Variants in IL7 observed in about 807,000 individuals in gnomAD.
IL7 encodes the protein interleukin-7.
A neutral mutation model predicts 21.6 loss-of-function variants in IL7; 3 were observed. That is an observed-to-expected ratio of 0.14 (90% confidence interval 0.06 to 0.36). The LOEUF (loss-of-function observed/expected upper bound fraction) is 0.36. Ranked by LOEUF, IL7 falls within the 10% of genes least tolerant of loss-of-function variation. IL7 has a pLI of 1.00. For synonymous variants in IL7, 62 were observed against 68.1 expected (o/e 0.91, Z 0.44); for missense variants, 175 against 200.2 (o/e 0.87, Z 0.76).
chr8:78,720,687 A>G (rs1400525225), intron 5 of IL7, among the ~76,000 whole-genome samples: 1 of 151,900 alleles, frequency 6.6e-6, no homozygotes, highest in East Asian at 1.9e-4. Flanking sequence ...GCCCAGCTCA[A>G]CTGGGGCACC....
chr8:78,755,648 T>TAA (rs989492800), intron 2 of IL7, among the ~76,000 whole-genome samples: 1 of 151,966 alleles, frequency 6.6e-6, no homozygotes, highest in African/African-American at 2.4e-5. Flanking sequence ...CATTATGATA[T>TAA]AAAAAAATGC....
intron 3 of IL7, among the ~76,000 whole-genome samples, chr8:78,727,091 G>T (rs915798698): frequency 2.6e-4 from 39 of 152,086 alleles, no homozygotes; most frequent in African/African-American, 8.9e-4. Context: ...GGGCCTCTAT[G>T]CCTCTCTTAG....
At chr8:78,785,598 A>T (rs1466576635) in intron 2 of IL7, among the ~76,000 whole-genome samples, 1 of 152,158 alleles carries the variant, frequency 6.6e-6, no homozygotes, top group East Asian at 1.9e-4. Flanking sequence ...GTACTTTAAA[A>T]CTATGGCGTG....
At chr8:78,796,838 G>A (rs1352685812) in intron 2 of IL7, among the ~76,000 whole-genome samples, 2 of 151,972 alleles carry the variant, frequency 1.3e-5, no homozygotes, top group African/African-American at 4.8e-5. Flanking sequence ...TTGGAAGAAA[G>A]TTTGGCAGTT....
intron 2 of IL7, among the ~76,000 whole-genome samples, chr8:78,795,588 C>T (rs1382425215): frequency 6.6e-6 from 1 of 151,992 alleles, no homozygotes; most frequent in Non-Finnish European, 1.5e-5. Context: ...TTGGATGAAA[C>T]TCTCCTTTTA....
chr8:78,782,623 T>G (rs568636894), intron 2 of IL7, among the ~76,000 whole-genome samples: 94 of 152,180 alleles, frequency 6.2e-4, no homozygotes, highest in South Asian at 1.2e-3. Context: ...GGTTATTGAC[T>G]TCATGTTAGT....
chr8:78,748,652 GT>G (rs1231475921), intron 2 of IL7, among the ~76,000 whole-genome samples: 2 of 152,132 alleles, frequency 1.3e-5, no homozygotes, highest in African/African-American at 4.8e-5. Context: ...TATGTGTTAG[GT>G]TTTAAACAGA....
chr8:78,715,097 G>T, downstream of IL7: 3 of 761,150 alleles, frequency 3.9e-6, no homozygotes, highest in Non-Finnish European at 4.0e-6. Flanking sequence ...ATAATTATTG[G>T]GACTTTAATC....
chr8:78,796,984 T>C (rs932977759), intron 2 of IL7, among the ~76,000 whole-genome samples: 11 of 152,012 alleles, frequency 7.2e-5, no homozygotes, highest in African/African-American at 2.4e-4. Flanking sequence ...AATTTCCAAA[T>C]ATTGGAAGCA....
intron 4 of IL7, chr8:78,678,713 T>C: frequency 2.0e-6 from 3 of 1,465,686 alleles, no homozygotes; most frequent in African/African-American, 1.4e-5. Flanking sequence ...GTATGAACTT[T>C]GGTGTTATGT....
chr8:78,683,976 A>C (rs1809871786), intron 4 of IL7, among the ~76,000 whole-genome samples: 2 of 152,150 alleles, frequency 1.3e-5, no homozygotes, highest in Non-Finnish European at 2.9e-5. Flanking sequence ...TCCATCTGAG[A>C]CCACCTTAGC....
At chr8:78,722,858 G>C (rs949065160) in intron 3 of IL7, among the ~76,000 whole-genome samples, 2 of 151,688 alleles carry the variant, frequency 1.3e-5, no homozygotes, top group Admixed American at 1.3e-4. Context: ...TTGATGCATT[G>C]GAAACAAAGT....
At chr8:78,712,154 TA>T in intron 3 of IL7, 1 of 1,101,716 alleles carries the variant, frequency 9.1e-7, no homozygotes, top group Non-Finnish European at 1.2e-6. Context: ...GATATTTCCT[TA>T]AAAGCTTTAT....
downstream of IL7, among the ~76,000 whole-genome samples, chr8:78,714,683 C>T (rs16906023): frequency 0.037 from 5,626 of 152,188 alleles, 317 homozygotes; most frequent in African/African-American, 0.13. Flanking sequence ...TTTCGGATAG[C>T]CCAGGCTGTG....
intron 4 of IL7, among the ~76,000 whole-genome samples, chr8:78,681,606 G>T (rs1189800392): frequency 6.6e-6 from 1 of 152,096 alleles, no homozygotes; most frequent in Non-Finnish European, 1.5e-5. Context: ...GAAAGAGTTT[G>T]TGTAATATTG....
intron 2 of IL7, among the ~76,000 whole-genome samples, chr8:78,747,518 C>T (rs968654031): frequency 3.3e-5 from 5 of 152,068 alleles, no homozygotes; most frequent in South Asian, 2.1e-4. Context: ...TTTTAAAATG[C>T]GCTGCTTATT....
chr8:78,693,100 A>G (rs1266105881), intron 3 of IL7, among the ~76,000 whole-genome samples: 3 of 152,046 alleles, frequency 2.0e-5, no homozygotes, highest in Non-Finnish European at 2.9e-5. Flanking sequence ...CATGGTGTAT[A>G]TGTGCCACAT....
At chr8:78,724,251 G>C (rs1278148608) in intron 3 of IL7, 2 of 151,904 alleles carry the variant, frequency 1.3e-5, no homozygotes, top group Admixed American at 1.3e-4. Flanking sequence ...TACAAGCAAA[G>C]GTTTACTCCA....
At chr8:78,722,888 C>T (rs554237152) in intron 3 of IL7, among the ~76,000 whole-genome samples, 19 of 151,754 alleles carry the variant, frequency 1.3e-4, no homozygotes, top group African/African-American at 4.6e-4. Context: ...ATTATGTAAA[C>T]AACTTGCAAA....
Sources: allele counts gnomAD v4.1 joint callset (sites outside exome capture counted in the v4.1 genomes callset), GRCh38; gene constraint gnomAD v4.1.1; transcripts MANE v1.5; gene names NCBI Gene and HGNC (gene_info 2026-07-23, HGNC 2026-07-21).